The following ARHGEF12 variants were observed in gnomAD, a reference collection of about 807,000 sequenced individuals.
ARHGEF12 encodes KMT2A/ARHGEF12 fusion protein.
A neutral mutation model predicts 211.2 loss-of-function variants in ARHGEF12; 66 were observed. The observed-to-expected ratio is 0.31, with a 90% CI of 0.26 to 0.38. The LOEUF (loss-of-function observed/expected upper bound fraction) is 0.38, where lower values mean the gene tolerates loss of function less well. Among genes scored for constraint, ARHGEF12 ranks in the 10% least tolerant of loss-of-function variants. The pLI, the probability that ARHGEF12 is intolerant of heterozygous loss-of-function variation, is 1.00. For synonymous variants in ARHGEF12, 592 were observed against 638.4 expected (o/e 0.93, Z 1.09); for missense variants, 1,429 against 1,869.5 (o/e 0.76, Z 4.34).
chr11:120,475,007 A>T (rs1250896675), intron 32 of ARHGEF12, among the ~76,000 whole-genome samples: 1 of 152,108 alleles, frequency 6.6e-6, no homozygotes, highest in African/African-American at 2.4e-5. Flanking sequence ...CACAGTGGCT[A>T]GTCACAGATG....
intron 27 of ARHGEF12, chr11:120,462,599 T>C (rs1321860460): frequency 6.6e-6 from 1 of 152,228 alleles, no homozygotes; most frequent in Non-Finnish European, 1.5e-5. Flanking sequence ...GGTATGCCTG[T>C]ACCTGTAAAA....
At position 120,357,021 on chromosome 11, in the gene ARHGEF12, T is replaced by G. The variant is rs183715590; in HGVS notation, c.32+19746T>G. 2.3e-3 allele frequency among the ~76,000 whole-genome samples: 354 copies of G among 152,180 alleles called. 1 individual carries two copies. The highest frequency in any genetic ancestry group is 5.4e-3 in the East Asian group (28 of 5,168). On this transcript the variant is annotated intron_variant, in intron 1 of 40. Coordinates refer to ENST00000397843, the MANE Select transcript of ARHGEF12 (RefSeq NM_015313.3). ...GACTTCCCAACCTGCACTGTTTTTT[T>G]TTTTGTTTTGTTTTGTTTTTTTTGA... is the stretch of plus-strand genomic sequence containing the variant.
At chr11:120,460,986 C>T (rs1408701816) in intron 27 of ARHGEF12, among the ~76,000 whole-genome samples, 1 of 152,202 alleles carries the variant, frequency 6.6e-6, no homozygotes, top group Non-Finnish European at 1.5e-5. Context: ...TGCAGTGATT[C>T]AGTCACACCT....
At chr11:120,462,945 C>T (rs186745966) in intron 27 of ARHGEF12, 1 of 152,292 alleles carries the variant, frequency 6.6e-6, no homozygotes, top group Non-Finnish European at 1.5e-5. Context: ...TGGTATGTTA[C>T]TCTTGATGCT....
chr11:120,440,279 T>A, intron 13 of ARHGEF12, 58 bp downstream of exon 13: 1 of 1,423,372 alleles, frequency 7.0e-7, no homozygotes, highest in Non-Finnish European at 9.8e-7. Flanking sequence ...ATCTGATTTG[T>A]TGCAAAAATG....
In ARHGEF12 at chr11:120,382,524, C is replaced by T. The variant is rs180799260; in HGVS notation, c.33-23594C>T. On this transcript the variant is annotated intron_variant, in intron 1 of 40. Coordinates refer to ENST00000397843, the MANE Select transcript of ARHGEF12 (RefSeq NM_015313.3). ...ATGTATTTTTGTGAACATACATATACATTTCTGCCTAGTTGTGGAATTCGC... is the reference window on the plus strand; with the variant it reads ...ATGTATTTTTGTGAACATACATATATATTTCTGCCTAGTTGTGGAATTCGC... Among the ~76,000 whole-genome samples, 6 of 152,312 alleles carry T rather than the reference C, an allele frequency of 3.9e-5. No individual in the cohort carries two copies. The East Asian group carries it at 7.7e-4, about 20-fold the overall frequency.
chr11:120,357,546 A>T (rs1335715043), intron 1 of ARHGEF12, among the ~76,000 whole-genome samples: 1 of 152,132 alleles, frequency 6.6e-6, no homozygotes, highest in Admixed American at 6.5e-5. Flanking sequence ...CAGGTAAGGG[A>T]TAGAGGAACA....
chr11:120,351,341 CAAAAAAAAAA>C (rs35596601), intron 1 of ARHGEF12, among the ~76,000 whole-genome samples: 1 of 18,690 alleles, frequency 5.4e-5, no homozygotes, highest in Non-Finnish European at 8.3e-5. Flanking sequence ...GACTCCGTCT[CAAAAAAAAAA>C]AAAAAAAAAA....
chr11:120,382,943 T>C (rs1458010692), intron 1 of ARHGEF12, among the ~76,000 whole-genome samples: 1 of 152,032 alleles, frequency 6.6e-6, no homozygotes, highest in Non-Finnish European at 1.5e-5. Context: ...ATTGAGACCA[T>C]CCTGGCTAAC....
chr11:120,375,884 A>G (rs911810443), intron 1 of ARHGEF12, among the ~76,000 whole-genome samples: 2 of 152,096 alleles, frequency 1.3e-5, no homozygotes, highest in African/African-American at 4.8e-5. Flanking sequence ...TGACAGTTCA[A>G]ATGAGTACTG....
chr11:120,458,043 A>G (rs779013999), intron 24 of ARHGEF12, 37 bp from the exon 25 acceptor site: 1 of 1,589,434 alleles, frequency 6.3e-7, no homozygotes, highest in Non-Finnish European at 8.5e-7. Context: ...TGTCCACCTA[A>G]AGTCTTCAAA....
chr11:120,481,821 G>A (rs1166138490), intron 39 of ARHGEF12, among the ~76,000 whole-genome samples: 2 of 149,356 alleles, frequency 1.3e-5, no homozygotes, highest in Non-Finnish European at 1.5e-5. Flanking sequence ...GTGCAGTGGC[G>A]TGATCTCAGC....
chr11:120,471,456 G>A (rs1383817734), intron 30 of ARHGEF12, among the ~76,000 whole-genome samples: 1 of 152,218 alleles, frequency 6.6e-6, no homozygotes, highest in Non-Finnish European at 1.5e-5. Context: ...TGGGGATGAG[G>A]AGGTAGAAAT....
chr11:120,379,476 T>C (rs1943818789), intron 1 of ARHGEF12, among the ~76,000 whole-genome samples: 1 of 152,020 alleles, frequency 6.6e-6, no homozygotes, highest in African/African-American at 2.4e-5. Context: ...TTCATTGTTC[T>C]CAATCTTATG....
intron 4 of ARHGEF12, among the ~76,000 whole-genome samples, chr11:120,419,860 T>C (rs889369232): frequency 2.3e-4 from 35 of 152,194 alleles, no homozygotes; most frequent in Non-Finnish European, 2.4e-4. Flanking sequence ...GTGAAATGCT[T>C]AGATCCTGCA....
chr11:120,406,496 A>G (rs1475567371), intron 2 of ARHGEF12, among the ~76,000 whole-genome samples: 1 of 152,164 alleles, frequency 6.6e-6, no homozygotes, highest in Non-Finnish European at 1.5e-5. Flanking sequence ...TTGTGTGACT[A>G]TAATTGCCTT....
intron 1 of ARHGEF12, among the ~76,000 whole-genome samples, chr11:120,402,792 T>C (rs1944580390): frequency 6.6e-6 from 1 of 151,964 alleles, no homozygotes. Flanking sequence ...CTGAAATCAA[T>C]AAAAGAAAAA....
chr11:120,344,838 C>T (rs535436035), intron 1 of ARHGEF12, among the ~76,000 whole-genome samples: 81 of 152,322 alleles, frequency 5.3e-4, no homozygotes, highest in Non-Finnish European at 1.0e-3. Flanking sequence ...TCAGATATTG[C>T]TCTCTTGAAG....
chr11:120,407,813 T>G lies in ARHGEF12; in HGVS notation c.132T>G (p.Phe44Leu). ...QKVERIASHD[F>L]DPTDSSSKKT... Reference sequence around the variant, plus strand: ...TTGAGCGCATTGCATCACATGATTTTGACCCCACAGGTAAAACACTATTCA... The same window carrying G: ...TTGAGCGCATTGCATCACATGATTTGGACCCCACAGGTAAAACACTATTCA... The change falls in exon 3 of 41, where the codon TTT (phenylalanine) becomes TTG (leucine). Residue 44 changes from phenylalanine to leucine, a missense_variant. Phe to Leu is a conservative substitution (Grantham distance 22, BLOSUM62 0). Coordinates refer to ENST00000397843, the MANE Select transcript of ARHGEF12 (RefSeq NM_015313.3). 1 of 1,613,448 alleles carries G rather than the reference T, an allele frequency of 6.2e-7. No homozygotes were observed. The highest frequency in any genetic ancestry group is 8.5e-7 in the Non-Finnish European group (1 of 1,179,592).
Sources: allele counts gnomAD v4.1 joint callset (sites outside exome capture counted in the v4.1 genomes callset), GRCh38; gene constraint gnomAD v4.1.1; transcripts MANE v1.5; gene names NCBI Gene and HGNC (gene_info 2026-07-23, HGNC 2026-07-21).